ANK3: variants seen among roughly 807,000 people sequenced by gnomAD.
ANK3 encodes the protein ankyrin 3, also known as ankyrin-3.
A neutral mutation model predicts 370.9 loss-of-function variants in ANK3; 57 were observed. The observed-to-expected ratio is 0.15, with a 90% CI of 0.12 to 0.19. The LOEUF (loss-of-function observed/expected upper bound fraction) is 0.19. ANK3 is among the 10% of genes least tolerant of loss of function. The pLI, the probability that ANK3 is intolerant of heterozygous loss-of-function variation, is 1.00. For synonymous variants in ANK3, 1,929 were observed against 1,946.3 expected (o/e 0.99, Z 0.23); for missense variants, 4,439 against 5,302.1 (o/e 0.84, Z 5.06).
intron 2 of ANK3, among the ~76,000 whole-genome samples, chr10:60,495,531 C>T (rs1430310281): frequency 6.6e-6 from 1 of 152,156 alleles, no homozygotes; most frequent in Non-Finnish European, 1.5e-5. Flanking sequence ...AAGCTAGTCT[C>T]AGAATTCGAG....
At chr10:60,081,613 TAA>T (rs1307393189) in intron 35 of ANK3, 2 of 364,216 alleles carry the variant, frequency 5.5e-6, no homozygotes. Flanking sequence ...ACATACAACA[TAA>T]GTTTATTTGT....
At chr10:60,240,370 T>C (rs1381973675) in intron 7 of ANK3, among the ~76,000 whole-genome samples, 2 of 149,706 alleles carry the variant, frequency 1.3e-5, no homozygotes, top group South Asian at 2.1e-4. Flanking sequence ...AATGGCATGA[T>C]TTCGGCTCAC....
At chr10:60,418,094 T>G (rs2063705632) in intron 2 of ANK3, among the ~76,000 whole-genome samples, 1 of 152,166 alleles carries the variant, frequency 6.6e-6, no homozygotes, top group Admixed American at 6.5e-5. Context: ...AGAGCCCTAG[T>G]TCTGACTCAT....
intron 2 of ANK3, among the ~76,000 whole-genome samples, chr10:60,413,613 G>T (rs184678084): frequency 6.6e-6 from 1 of 152,110 alleles, no homozygotes; most frequent in Non-Finnish European, 1.5e-5. Context: ...TCCTACAGAA[G>T]TCTGGGGAAA....
rs1253910638 is a variant in ANK3 at position 60,348,359 on chromosome 10, AAAAAAAAAAAACACAAAAAAC to A, written c.114+41045_114+41065del. ...CCCTATCACTAGCCAAAAAAAAAAA[AAAAAAAAAAAACACAAAAAAC>A]AAAAAAAACGAACTAACTGGCTGTC... On this transcript the variant is annotated intron_variant, in intron 1 of 43. Coordinates refer to ENST00000280772, the MANE Select transcript of ANK3 (RefSeq NM_020987.5). 5.0e-3 allele frequency among the ~76,000 whole-genome samples: 562 copies of A among 111,494 alleles called. 3 individuals carry two copies. Among genetic ancestry groups the A allele is most frequent in the African/African-American group, 0.016 (545 of 33,952 alleles). 73.1% of individuals were successfully genotyped at this position (111,494 alleles called of 152,430 possible). A position where few individuals can be genotyped will look rare whatever the true frequency, so the allele number is the denominator to read the frequency against.
Position 60,027,046 on chromosome 10 carries a change from T to C in ANK3, c.*2800A>G, listed in dbSNP as rs887509120. 6.6e-6 allele frequency: 1 copy of C among 152,172 alleles called. No homozygotes were observed. The highest frequency in any genetic ancestry group is 2.4e-5 in the African/African-American group (1 of 41,444). 9.4% of individuals were successfully genotyped at this position (152,172 alleles called of 1,614,324 possible). On this transcript the variant is annotated 3_prime_UTR_variant, in exon 44 of 44. Transcript: ENST00000280772. The stretch of plus-strand genomic sequence containing the variant: ...TCTTGAATGTCATATTTTGGATACT[T>C]CTGAGTAAACTTATGACCTCCTGCT...
chr10:60,207,520 A>G (rs1208810708), intron 10 of ANK3, among the ~76,000 whole-genome samples: 2 of 152,234 alleles, frequency 1.3e-5, no homozygotes, highest in Admixed American at 1.3e-4. Flanking sequence ...GGTTAAAAGA[A>G]CAAATTAAAG....
In ANK3 at chr10:60,278,767, G is replaced by A. The variant is rs1261295111; in HGVS notation, c.414+7C>T. ...AAAATGTCTGTGGCATGGAGTTGTA[G>A]GCTTACCTGAGATTGTGCATTGACA... On this transcript the variant is annotated splice_region_variant and intron_variant, in intron 4 of 43. Coordinates refer to ENST00000280772, the MANE Select transcript of ANK3 (RefSeq NM_020987.5). The A allele has an allele frequency of 1.2e-6, 2 of 1,609,698 alleles. No individual in the cohort carries two copies. The highest frequency in any genetic ancestry group is 1.3e-5 in the African/African-American group (1 of 74,830).
chr10:60,210,158 GT>G (rs532805325), intron 9 of ANK3, among the ~76,000 whole-genome samples: 2 of 152,166 alleles, frequency 1.3e-5, no homozygotes, highest in Non-Finnish European at 2.9e-5. Context: ...ATGAAAATAG[GT>G]GCTTGTGGGT....
chr10:60,220,132 C>T (rs2097019077), intron 8 of ANK3, among the ~76,000 whole-genome samples: 1 of 152,114 alleles, frequency 6.6e-6, no homozygotes, highest in African/African-American at 2.4e-5. Flanking sequence ...AAATAATATA[C>T]AATAATCACA....
chr10:60,186,774 G>T lies in ANK3; in HGVS notation c.2026C>A (p.His676Asn). ...AGGAGCAGCGACACCATGTCCACGTGCCCTTCCTGAGCTGCGAGATGGACG... is the reference window on the plus strand; with the variant it reads ...AGGAGCAGCGACACCATGTCCACGTTCCCTTCCTGAGCTGCGAGATGGACG... The part of the protein sequence containing the change: ...ASVHLAAQEG[H>N]VDMVSLLLGR... The change falls in exon 17 of 44, where the codon CAC becomes AAC. Residue 676 changes from histidine (H) to asparagine (N), a missense_variant. Physicochemically the swap from His to Asn is moderately conservative, Grantham distance 68. Around this residue, in one of 13 missense-constraint regions of ANK3, gnomAD observed 192 missense variants for 192.1 expected, o/e 1.00. Coordinates refer to ENST00000280772, the MANE Select transcript of ANK3 (RefSeq NM_020987.5). The T allele has an allele frequency of 6.2e-7, 1 of 1,614,116 alleles. No homozygotes were observed. The highest frequency in any genetic ancestry group is 1.7e-5 in the Admixed American group (1 of 60,010).
intron 28 of ANK3, among the ~76,000 whole-genome samples, chr10:60,094,864 T>C (rs894287469): frequency 1.3e-5 from 2 of 152,240 alleles, no homozygotes; most frequent in Admixed American, 1.3e-4. Context: ...AAACCCTAGA[T>C]AACATTTTAA....
Position 60,335,889 on chromosome 10 carries a change from C to G in ANK3, c.114+53536G>C, listed in dbSNP as rs1253769409. ...GTGGAGACACTTGTCCAAAATTACACAGCTACCTCTAGGTGGCAGAGATGG... is the reference window on the plus strand; with the variant it reads ...GTGGAGACACTTGTCCAAAATTACAGAGCTACCTCTAGGTGGCAGAGATGG... On this transcript the variant is annotated intron_variant, in intron 1 of 43. Transcript: ENST00000280772. 2.0e-5 allele frequency among the ~76,000 whole-genome samples: 3 copies of G among 152,136 alleles called. No homozygotes were observed. The East Asian group carries it at 5.8e-4, about 29-fold the overall frequency.
chr10:60,698,833 C>T (rs534886880), intron 1 of ANK3, among the ~76,000 whole-genome samples: 1 of 150,302 alleles, frequency 6.7e-6, no homozygotes, highest in South Asian at 2.1e-4. Flanking sequence ...AGTGCACCAG[C>T]ATGGCACATG....
Position 60,364,293 on chromosome 10 carries a change from CAA to C in ANK3, c.114+25130_114+25131del, listed in dbSNP as rs34623231. On this transcript the variant is annotated intron_variant, in intron 1 of 43. Coordinates refer to ENST00000280772, the MANE Select transcript of ANK3 (RefSeq NM_020987.5). The stretch of plus-strand genomic sequence containing the variant: ...TGGGTGACAGAGCAAGACTCGGTCT[CAA>C]AAAAAAAAAAAGAGAAAATGATTAA... Among the ~76,000 whole-genome samples, 196 of 135,804 alleles carry C rather than the reference CAA, an allele frequency of 1.4e-3. 1 individual carries two copies. Among genetic ancestry groups the C allele is most frequent in the African/African-American group, 3.3e-3 (121 of 36,610 alleles). 89.1% of individuals were successfully genotyped at this position (135,804 alleles called of 152,430 possible).
At chr10:60,513,962 G>A (rs1332676338) in intron 2 of ANK3, among the ~76,000 whole-genome samples, 1 of 152,052 alleles carries the variant, frequency 6.6e-6, no homozygotes, top group Non-Finnish European at 1.5e-5. Context: ...AGCCTTTGCT[G>A]CCCTTGAGAC....
chr10:60,647,852 C>CTT lies in ANK3; in HGVS notation c.58-32630_58-32629dup, dbSNP rs10591129. Among the ~76,000 whole-genome samples the CTT allele has an allele frequency of 3.2e-3, 461 of 144,414 alleles. 1 individual carries two copies. Among genetic ancestry groups the CTT allele is most frequent in the African/African-American group, 7.4e-3 (291 of 39,282 alleles). 94.7% of individuals were successfully genotyped at this position (144,414 alleles called of 152,430 possible). On this transcript the variant is annotated intron_variant, in intron 1 of 43. Coordinates refer to the ANK3 transcript ENST00000373827. The stretch of plus-strand genomic sequence containing the variant: ...TTTTCAAGACAGAAACAAAATTTGC[C>CTT]TTTTTTTTTTTTTTGAGACAGAGTC...
rs372959896 is a variant in ANK3, at chr10:60,073,038, G to A, written c.7843C>T (p.Pro2615Ser). The stretch of plus-strand genomic sequence containing the variant: ...GAAGAATATTCTTTGCCATTTTTAG[G>A]GCGTGCCTTTTTCTCTGGGGACTGC... ...ELQSPEKKAR[P>S]KNGKEYSSQS... The change falls in exon 37 of 44, where the codon CCT (proline) becomes TCT (serine). Residue 2615 changes from proline to serine, a missense_variant. Around this residue, in one of 13 missense-constraint regions of ANK3, gnomAD observed 1,601 missense variants for 1,731.7 expected, o/e 0.92. Coordinates refer to ENST00000280772, the MANE Select transcript of ANK3 (RefSeq NM_020987.5). The A allele has an allele frequency of 1.2e-6, 2 of 1,613,910 alleles. No homozygotes were observed. The highest frequency in any genetic ancestry group is 2.7e-5 in the African/African-American group (2 of 74,884).
At chr10:60,432,310 T>C (rs1189568744) in intron 2 of ANK3, among the ~76,000 whole-genome samples, 1 of 152,234 alleles carries the variant, frequency 6.6e-6, no homozygotes, top group Non-Finnish European at 1.5e-5. Context: ...ATCAAGAGTT[T>C]GGTGCCCCCA....
Sources: allele counts gnomAD v4.1 joint callset (sites outside exome capture counted in the v4.1 genomes callset), GRCh38; gene constraint gnomAD v4.1.1; regional missense constraint gnomAD v4.1.1; transcripts MANE v1.5; gene names NCBI Gene and HGNC (gene_info 2026-07-23, HGNC 2026-07-21).